The following PTPRR variants were observed in gnomAD, a reference collection of about 807,000 sequenced individuals.
PTPRR encodes protein tyrosine phosphatase receptor type R, also known as receptor-type tyrosine-protein phosphatase R.
A neutral mutation model predicts 77.2 loss-of-function variants in PTPRR; 38 were observed. That is an observed-to-expected ratio of 0.49 (90% CI 0.38 to 0.65). The LOEUF (loss-of-function observed/expected upper bound fraction) is 0.65, where lower values mean the gene tolerates loss of function less well. Ranked by LOEUF, PTPRR falls within the 30% of genes least tolerant of loss-of-function variation. The pLI is 0.00. For synonymous variants in PTPRR, 299 were observed against 283.1 expected, an observed-to-expected ratio of 1.06 and a Z score of -0.57; for missense variants, 744 against 799.2, an observed-to-expected ratio of 0.93 and a Z score of 0.83.
In PTPRR at chr12:70,644,628, G is replaced by C. The variant is rs184231541; in HGVS notation, c.1881-5351C>G. 3.8e-3 allele frequency among the ~76,000 whole-genome samples: 586 copies of C among 152,282 alleles called. 19 individuals carry two copies. Among genetic ancestry groups the C allele is most frequent in the Non-Finnish European group, 7.3e-4 (50 of 68,034 alleles). ...TATCACTTAACATGTTTAGCACATA[G>C]CCAAGCACATATCAATACCATAAAT... is the stretch of plus-strand genomic sequence containing the variant. On this transcript the variant is annotated intron_variant, in intron 13 of 13. Coordinates refer to ENST00000283228, the MANE Select transcript of PTPRR (RefSeq NM_002849.4).
At chr12:70,661,991 C>A (rs1886815026) in intron 11 of PTPRR, among the ~76,000 whole-genome samples, 1 of 152,124 alleles carries the variant, frequency 6.6e-6, no homozygotes, top group African/African-American at 2.4e-5. Context: ...GATAGTTTTC[C>A]TATGACATAA....
intron 10 of PTPRR, chr12:70,673,107 C>A: frequency 1.1e-6 from 1 of 931,392 alleles, no homozygotes; most frequent in Non-Finnish European, 1.4e-6. Context: ...CAATGACATC[C>A]TTGGTCTTGG....
intron 8 of PTPRR, among the ~76,000 whole-genome samples, chr12:70,692,517 G>A (rs1279573083): frequency 6.6e-6 from 1 of 152,176 alleles, no homozygotes; most frequent in African/African-American, 2.4e-5. Flanking sequence ...TGAATGCCAA[G>A]AGGGGTACTT....
intron 1 of PTPRR, among the ~76,000 whole-genome samples, chr12:70,919,942 TGTA>T (rs1165294316): frequency 6.6e-6 from 1 of 151,912 alleles, no homozygotes; most frequent in East Asian, 1.9e-4. Flanking sequence ...ACCTTATGAA[TGTA>T]GTAGCCGCTG....
chr12:70,793,291 T>C (rs1891453247), intron 2 of PTPRR, among the ~76,000 whole-genome samples: 1 of 151,808 alleles, frequency 6.6e-6, no homozygotes, highest in East Asian at 1.9e-4. Context: ...CAGAGCAGAG[T>C]TTTCAATGGA....
At position 70,747,419 on chromosome 12, in the gene PTPRR, A is replaced by G. The variant is rs374671496; in HGVS notation, c.739-1333T>C. On this transcript the variant is annotated intron_variant, in intron 5 of 13. Transcript: ENST00000283228. ...TTAGAAGATAAGGCATATATTATATATTTTAAGCTCTTCACATCTAAATAT... is the reference window on the plus strand; with the variant it reads ...TTAGAAGATAAGGCATATATTATATGTTTTAAGCTCTTCACATCTAAATAT... 8.1e-4 allele frequency among the ~76,000 whole-genome samples: 124 copies of G among 152,362 alleles called. No individual in the cohort carries two copies. In the South Asian group the frequency reaches 0.011, roughly 14 times the overall value.
chr12:70,897,848 C>T (rs1252145246), intron 1 of PTPRR, among the ~76,000 whole-genome samples: 1 of 151,934 alleles, frequency 6.6e-6, no homozygotes, highest in African/African-American at 2.4e-5. Flanking sequence ...AGTTCATGTC[C>T]TTTGTAGGGA....
chr12:70,663,136 T>A (rs953812970), intron 10 of PTPRR, among the ~76,000 whole-genome samples: 1 of 152,236 alleles, frequency 6.6e-6, no homozygotes, highest in Non-Finnish European at 1.5e-5. Flanking sequence ...TAATGATCAT[T>A]AATACAACTA....
At chr12:70,666,546 AT>A (rs1264754941) in intron 10 of PTPRR, among the ~76,000 whole-genome samples, 1 of 152,202 alleles carries the variant, frequency 6.6e-6, no homozygotes, top group African/African-American at 2.4e-5. Flanking sequence ...TTATGAGATA[AT>A]TGAATAAGTT....
intron 2 of PTPRR, among the ~76,000 whole-genome samples, chr12:70,865,177 G>C (rs148866452): frequency 6.6e-6 from 1 of 151,928 alleles, no homozygotes; most frequent in East Asian, 1.9e-4. Context: ...CTTGCCTGTC[G>C]CCATGTAAGA....
intron 2 of PTPRR, among the ~76,000 whole-genome samples, chr12:70,837,192 A>G (rs1367843917): frequency 6.6e-6 from 1 of 152,142 alleles, no homozygotes; most frequent in Non-Finnish European, 1.5e-5. Context: ...TGCATTGAGC[A>G]TCCACATCTG....
chr12:70,644,749 C>A (rs1337581797), intron 13 of PTPRR, among the ~76,000 whole-genome samples: 1 of 152,144 alleles, frequency 6.6e-6, no homozygotes, highest in Admixed American at 6.5e-5. Context: ...CCCCCAAAGA[C>A]CCTGGAGAAC....
At chr12:70,893,733 A>G (rs1397467881) in intron 1 of PTPRR, among the ~76,000 whole-genome samples, 2 of 151,942 alleles carry the variant, frequency 1.3e-5, no homozygotes, top group African/African-American at 2.4e-5. Flanking sequence ...CATGAGGTAG[A>G]AACCATGTGT....
chr12:70,735,878 T>C (rs957548547), intron 6 of PTPRR, among the ~76,000 whole-genome samples: 1 of 152,202 alleles, frequency 6.6e-6, no homozygotes, highest in African/African-American at 2.4e-5. Context: ...CCATCAGCTG[T>C]GACTCTGCAT....
At chr12:70,716,133 T>C (rs1052105072) in intron 6 of PTPRR, among the ~76,000 whole-genome samples, 6 of 152,148 alleles carry the variant, frequency 3.9e-5, no homozygotes, top group African/African-American at 1.4e-4. Flanking sequence ...TCCCGCAACC[T>C]TACATAAAGC....
At chr12:70,815,133 C>CAAAAAAAAAAAAAAA (rs368833751) in intron 2 of PTPRR, among the ~76,000 whole-genome samples, 1 of 139,114 alleles carries the variant, frequency 7.2e-6, no homozygotes, top group Non-Finnish European at 1.5e-5. Context: ...GATAAGATAT[C>CAAAAAAAAAAAAAAA]AAAAAAAAAA....
chr12:70,796,293 A>G (rs1312927970), intron 2 of PTPRR, among the ~76,000 whole-genome samples: 1 of 152,138 alleles, frequency 6.6e-6, no homozygotes, highest in Non-Finnish European at 1.5e-5. Flanking sequence ...CATAGGCACA[A>G]TAAAAGTGAG....
intron 2 of PTPRR, among the ~76,000 whole-genome samples, chr12:70,810,216 A>G (rs892214778): frequency 2.6e-5 from 4 of 152,134 alleles, no homozygotes; most frequent in African/African-American, 4.8e-5. Flanking sequence ...TCTGTCCCCA[A>G]AAAAACCTCA....
rs61205959 is a variant in PTPRR at position 70,685,473 on chromosome 12, C to CAAAAAA, written c.1280-696_1280-691dup. On this transcript the variant is annotated intron_variant, in intron 8 of 13. Coordinates refer to ENST00000283228, the MANE Select transcript of PTPRR (RefSeq NM_002849.4). The stretch of plus-strand genomic sequence containing the variant: ...TAGGCAACATAGTGAGACTTCATCT[C>CAAAAAA]AAAAAAAAAAAAAAAAAAAAAAAAA... Among the ~76,000 whole-genome samples, 50 of 60,978 alleles carry CAAAAAA rather than the reference C, an allele frequency of 8.2e-4. 1 individual carries two copies. Among genetic ancestry groups the CAAAAAA allele is most frequent in the Non-Finnish European group, 1.2e-3 (40 of 34,170 alleles). 40.0% of individuals were successfully genotyped at this position (60,978 alleles called of 152,430 possible). A position where few individuals can be genotyped will look rare whatever the true frequency, so the allele number is the denominator to read the frequency against.
Sources: gnomAD v4.1 joint callset for allele counts (sites outside exome capture counted in the v4.1 genomes callset) on GRCh38, gnomAD v4.1.1 for gene constraint, MANE v1.5 for transcripts, NCBI Gene and HGNC (gene_info 2026-07-23, HGNC 2026-07-21) for gene names.